The following ETV6 variants were observed in gnomAD, a reference collection of about 807,000 sequenced individuals.
The protein encoded by ETV6 is ETS variant transcription factor 6.
ETV6 carries 16 observed loss-of-function variants against 51.1 expected under a neutral mutation model. The ratio of observed to expected loss-of-function variants is 0.31; its 90% CI spans 0.21 to 0.48. The LOEUF (loss-of-function observed/expected upper bound fraction) is 0.48, where lower values mean the gene tolerates loss of function less well. Among genes scored for constraint, ETV6 ranks in the 20% least tolerant of loss-of-function variants. The pLI is 0.99. For synonymous variants in ETV6, 240 were observed against 224.1 expected, an observed-to-expected ratio of 1.07 and a Z score of -0.64; for missense variants, 458 against 594.8, an observed-to-expected ratio of 0.77 and a Z score of 2.39.
intron 4 of ETV6, among the ~76,000 whole-genome samples, chr12:11,858,910 A>G (rs137925347): frequency 4.6e-5 from 7 of 152,180 alleles, no homozygotes; most frequent in Admixed American, 1.3e-4. Context: ...TCAATAATTG[A>G]GAGAAGTCAT....
rs1419409165 is a variant in ETV6, at chr12:11,874,398, G to GTA, written c.1009+4439_1009+4440dup. On this transcript the variant is annotated intron_variant, in intron 5 of 7. Transcript: ENST00000396373. ...TCTCAAAAAAAAAAAAAATGTGTGT[G>GTA]TATATATATATGTGTGTATATATAT... Among the ~76,000 whole-genome samples the GTA allele has an allele frequency of 2.2e-4, 27 of 123,366 alleles. 2 individuals carry two copies. The highest frequency in any genetic ancestry group is 6.2e-4 in the Admixed American group (7 of 11,250). The allele number at this position is 123,366 out of a possible 152,430, so 80.9% of individuals were successfully genotyped here. A position where few individuals can be genotyped will look rare whatever the true frequency, so the allele number is the denominator to read the frequency against.
At chr12:11,681,727 C>G (rs1266475278) in intron 1 of ETV6, among the ~76,000 whole-genome samples, 1 of 152,116 alleles carries the variant, frequency 6.6e-6, no homozygotes. Context: ...TCTCCTAGCC[C>G]CCACCCACTG....
At chr12:11,779,891 A>G (rs1348119925) in intron 2 of ETV6, among the ~76,000 whole-genome samples, 3 of 152,342 alleles carry the variant, frequency 2.0e-5, no homozygotes, top group East Asian at 3.8e-4. Flanking sequence ...TCCCTTCTGC[A>G]TTTGCCTAGT....
Position 11,650,344 on chromosome 12 carries a change from T to TCC in ETV6, c.33+190_33+191dup, listed in dbSNP as rs145552837. ...GTACCCTTTAGCGTAACCTTGCTAC[T>TCC]CCCCCCCACCGCCGAGCCCCTGCCG... On this transcript the variant is annotated intron_variant, in intron 1 of 7. Transcript: ENST00000396373. 8.9e-4 allele frequency among the ~76,000 whole-genome samples: 113 copies of TCC among 127,490 alleles called. 1 individual carries two copies. In the East Asian group the frequency reaches 0.016, roughly 18 times the overall value. 83.6% of individuals were successfully genotyped at this position (127,490 alleles called of 152,430 possible). A position where few individuals can be genotyped will look rare whatever the true frequency, so the allele number is the denominator to read the frequency against.
intron 2 of ETV6, 55 bp from the exon 3 acceptor site, chr12:11,839,085 G>A (rs1946354057): frequency 1.3e-6 from 2 of 1,563,722 alleles, no homozygotes; most frequent in Middle Eastern, 1.7e-4. Context: ...TATTCCAGCT[G>A]TCTAACTGAC....
At position 11,839,321 on chromosome 12, in the gene ETV6, T is replaced by G. The variant is rs1460652302; in HGVS notation, c.328+17T>G. The G allele has an allele frequency of 2.5e-6, 4 of 1,601,840 alleles. No individual in the cohort carries two copies. Among genetic ancestry groups the G allele is most frequent in the Non-Finnish European group, 2.6e-6 (3 of 1,171,798 alleles). On this transcript the variant is annotated intron_variant, in intron 3 of 7. Transcript: ENST00000396373. ...CTCATTCAGGTGAGAGTCTGGACTC[T>G]TGGCATATGCCCAACTTGGAAAGTC...
At chr12:11,662,199 T>G (rs1864112774) in intron 1 of ETV6, among the ~76,000 whole-genome samples, 1 of 152,154 alleles carries the variant, frequency 6.6e-6, no homozygotes, top group African/African-American at 2.4e-5. Context: ...ATCTTTTGGG[T>G]GCAAGGCAGT....
chr12:11,853,533 G>C lies in ETV6; in HGVS notation c.435G>C (p.Glu145Asp). ...GAAACTCTATACACACACAGCCGGA[G>C]GTCATACTGCATCAGAACCATGAAG... ...HPGNSIHTQP[E>D]VILHQNHEED... The change falls in exon 4 of 8, where the codon GAG becomes GAC. Residue 145 changes from glutamate (E) to aspartate (D), a missense_variant. Coordinates refer to ENST00000396373, the MANE Select transcript of ETV6 (RefSeq NM_001987.5). The C allele has an allele frequency of 6.2e-7, 1 of 1,614,184 alleles. No individual in the cohort carries two copies. Among genetic ancestry groups the C allele is most frequent in the Non-Finnish European group, 8.5e-7 (1 of 1,180,044 alleles).
chr12:11,722,907 C>A (rs189645545), intron 1 of ETV6, among the ~76,000 whole-genome samples: 1 of 152,170 alleles, frequency 6.6e-6, no homozygotes, highest in South Asian at 2.1e-4. Flanking sequence ...GTTGCTGGGC[C>A]GTTCTCTCAG....
At chr12:11,757,468 A>G (rs1364050612) in intron 2 of ETV6, among the ~76,000 whole-genome samples, 2 of 151,956 alleles carry the variant, frequency 1.3e-5, no homozygotes, top group African/African-American at 4.8e-5. Context: ...CGTGATCATC[A>G]TTATTATTTT....
At chr12:11,727,354 GC>G (rs1232236940) in intron 1 of ETV6, among the ~76,000 whole-genome samples, 1 of 152,200 alleles carries the variant, frequency 6.6e-6, no homozygotes, top group Non-Finnish European at 1.5e-5. Context: ...TTGTGTAGGC[GC>G]TGTGGTGTAA....
chr12:11,700,495 A>G (rs1355344796), intron 1 of ETV6, among the ~76,000 whole-genome samples: 1 of 152,176 alleles, frequency 6.6e-6, no homozygotes, highest in African/African-American at 2.4e-5. Flanking sequence ...TTTCTGAGTT[A>G]TGTATATAAC....
chr12:11,804,640 T>C (rs1945802501), intron 2 of ETV6, among the ~76,000 whole-genome samples: 2 of 152,214 alleles, frequency 1.3e-5, no homozygotes, highest in Admixed American at 6.5e-5. Context: ...CCCAACAGCA[T>C]TATCCAAACG....
At chr12:11,767,453 C>T (rs747241217) in intron 2 of ETV6, among the ~76,000 whole-genome samples, 10 of 152,214 alleles carry the variant, frequency 6.6e-5, no homozygotes, top group Non-Finnish European at 1.2e-4. Context: ...TCTATGTGTG[C>T]AGCATGGCTC....
intron 4 of ETV6, among the ~76,000 whole-genome samples, chr12:11,860,976 AC>A (rs1376932156): frequency 6.6e-5 from 10 of 152,194 alleles, no homozygotes; most frequent in African/African-American, 2.4e-4. Context: ...GTGGGAAAAT[AC>A]ATTTAAAGTG....
intron 1 of ETV6, among the ~76,000 whole-genome samples, chr12:11,741,124 C>A (rs893229385): frequency 6.6e-6 from 1 of 152,122 alleles, no homozygotes; most frequent in Non-Finnish European, 1.5e-5. Context: ...CAAGGCATTT[C>A]TTCAGATTAT....
chr12:11,710,307 G>A (rs778011738), intron 1 of ETV6, among the ~76,000 whole-genome samples: 6 of 151,854 alleles, frequency 4.0e-5, no homozygotes, highest in Non-Finnish European at 8.8e-5. Flanking sequence ...CTTCTCTGTG[G>A]AGCCCTGGTT....
chr12:11,861,263 G>C (rs552371005), intron 4 of ETV6, among the ~76,000 whole-genome samples: 1 of 152,036 alleles, frequency 6.6e-6, no homozygotes, highest in Non-Finnish European at 1.5e-5. Flanking sequence ...CAGGGCCCAC[G>C]AGCACCACTT....
intron 1 of ETV6, among the ~76,000 whole-genome samples, chr12:11,716,212 T>TC (rs1479475725): frequency 2.6e-5 from 4 of 151,234 alleles, no homozygotes; most frequent in Non-Finnish European, 2.9e-5. Context: ...GCGCCTGTAG[T>TC]CCCAGCTACT....
Sources: allele counts gnomAD v4.1 joint callset (sites outside exome capture counted in the v4.1 genomes callset), GRCh38; gene constraint gnomAD v4.1.1; transcripts MANE v1.5; gene names NCBI Gene and HGNC (gene_info 2026-07-23, HGNC 2026-07-21).